LRP1B: variants seen among roughly 807,000 people sequenced by gnomAD.
The protein encoded by LRP1B is low-density lipoprotein receptor-related protein 1B.
A neutral mutation model predicts 556.6 loss-of-function variants in LRP1B; 217 were observed. That is an observed-to-expected ratio of 0.39 (90% CI 0.35 to 0.44). The LOEUF is 0.44. Among genes scored for constraint, LRP1B ranks in the 20% least tolerant of loss-of-function variants. The probability of loss-of-function intolerance (pLI) is 1.00; values close to 1 mark genes in which losing one functional copy is unlikely to be tolerated. For synonymous variants in LRP1B, 2,047 were observed against 1,865.8 expected (o/e 1.10, Z -2.50); for missense variants, 5,053 against 5,620.8 (o/e 0.90, Z 3.23).
At chr2:141,047,631 C>A (rs1019306706) in intron 11 of LRP1B, among the ~76,000 whole-genome samples, 1 of 151,974 alleles carries the variant, frequency 6.6e-6, no homozygotes, top group Admixed American at 6.6e-5. Flanking sequence ...CTTTTTATTC[C>A]TTTGGGATTT....
chr2:141,124,771 T>C (rs1701159606), intron 7 of LRP1B, among the ~76,000 whole-genome samples: 1 of 152,068 alleles, frequency 6.6e-6, no homozygotes, highest in South Asian at 2.1e-4. Context: ...TGAAAAACAT[T>C]TAAAAGCAGC....
At chr2:140,520,389 G>A (rs181299153) in intron 49 of LRP1B, among the ~76,000 whole-genome samples, 1 of 152,168 alleles carries the variant, frequency 6.6e-6, no homozygotes, top group Non-Finnish European at 1.5e-5. Context: ...CTCACTCATA[G>A]GTGGAAATTG....
chr2:141,346,548 G>A (rs1253569950), intron 3 of LRP1B, among the ~76,000 whole-genome samples: 2 of 152,114 alleles, frequency 1.3e-5, no homozygotes, highest in Non-Finnish European at 2.9e-5. Flanking sequence ...GGATTCAGGT[G>A]TCTTACTCTC....
At chr2:141,471,549 T>C (rs1399778345) in intron 3 of LRP1B, among the ~76,000 whole-genome samples, 1 of 152,196 alleles carries the variant, frequency 6.6e-6, no homozygotes, top group Non-Finnish European at 1.5e-5. Flanking sequence ...CTCATTTGCC[T>C]ACCCAATGCT....
chr2:141,967,581 G>C (rs1701598214), intron 1 of LRP1B, among the ~76,000 whole-genome samples: 2 of 151,734 alleles, frequency 1.3e-5, no homozygotes, highest in Non-Finnish European at 1.5e-5. Flanking sequence ...ATAAAATTCA[G>C]AAAGTATAAA....
chr2:141,442,670 A>C (rs931182656), intron 3 of LRP1B, among the ~76,000 whole-genome samples: 1 of 152,038 alleles, frequency 6.6e-6, no homozygotes, highest in African/African-American at 2.4e-5. Flanking sequence ...ATGAGTGAGA[A>C]CACGCGGTGT....
rs182263114 is a variant in LRP1B, at chr2:141,191,721, G to A, written c.851-3138C>T. ...CAGTCCATTAACCAGGGCTTTAAAA[G>A]TGTGAATTATTTATCTGTCTTGAGA... On this transcript the variant is annotated intron_variant, in intron 6 of 90. Transcript: ENST00000389484. 2.3e-3 allele frequency among the ~76,000 whole-genome samples: 339 copies of A among 149,094 alleles called. 1 individual carries two copies. Among genetic ancestry groups the A allele is most frequent in the African/African-American group, 7.3e-3 (298 of 40,672 alleles).
At chr2:141,855,710 C>T (rs889304887) in intron 1 of LRP1B, among the ~76,000 whole-genome samples, 3 of 152,120 alleles carry the variant, frequency 2.0e-5, no homozygotes, top group African/African-American at 7.2e-5. Flanking sequence ...GGCAAAACCA[C>T]ATGGATATCA....
intron 37 of LRP1B, among the ~76,000 whole-genome samples, chr2:140,713,382 A>G (rs1002481005): frequency 6.7e-6 from 1 of 149,072 alleles, no homozygotes; most frequent in Non-Finnish European, 1.5e-5. Context: ...CCTCTTACAT[A>G]TTTGTCTTGA....
chr2:140,871,372 A>T (rs897789489), intron 25 of LRP1B, among the ~76,000 whole-genome samples: 7 of 150,766 alleles, frequency 4.6e-5, no homozygotes, highest in African/African-American at 1.7e-4. Flanking sequence ...TATTTTTTAA[A>T]GGAAAATTTT....
At chr2:141,759,036 G>A (rs991219239) in intron 2 of LRP1B, among the ~76,000 whole-genome samples, 22 of 151,976 alleles carry the variant, frequency 1.4e-4, no homozygotes, top group African/African-American at 5.1e-4. Context: ...AAGGCTTTGG[G>A]AAAAAAATGC....
chr2:141,185,186 A>G (rs1315978610), intron 7 of LRP1B, among the ~76,000 whole-genome samples: 2 of 152,086 alleles, frequency 1.3e-5, no homozygotes, highest in African/African-American at 4.8e-5. Flanking sequence ...GGGCAGCACT[A>G]TCATAATTCA....
chr2:140,563,357 C>G (rs932204736), intron 43 of LRP1B, among the ~76,000 whole-genome samples: 2 of 152,120 alleles, frequency 1.3e-5, no homozygotes, highest in Non-Finnish European at 2.9e-5. Context: ...CTATTTCATT[C>G]TTCTATTGCT....
chr2:141,132,821 G>C (rs752615461), intron 7 of LRP1B, among the ~76,000 whole-genome samples: 6 of 151,826 alleles, frequency 4.0e-5, no homozygotes, highest in Admixed American at 3.3e-4. Context: ...ATATAAAAAA[G>C]TATAGCTTTT....
rs143154850 is a variant in LRP1B at position 141,380,724 on chromosome 2, G to A, written c.343+99672C>T. Among the ~76,000 whole-genome samples, 756 of 152,286 alleles carry A rather than the reference G, an allele frequency of 5.0e-3. 7 individuals carry two copies. The highest frequency in any genetic ancestry group is 0.017 in the African/African-American group (720 of 41,556). On this transcript the variant is annotated intron_variant, in intron 3 of 90. Transcript: ENST00000389484. ...AAATCTAGGTCCCAGCTTTTTCCCC[G>A]AGGAGAGAAGGAGCTGGACCACACA...
At chr2:141,350,198 G>T (rs999592771) in intron 3 of LRP1B, among the ~76,000 whole-genome samples, 6 of 152,082 alleles carry the variant, frequency 3.9e-5, no homozygotes, top group African/African-American at 1.5e-4. Context: ...AGATTTGGGT[G>T]GGGACACAGA....
intron 7 of LRP1B, among the ~76,000 whole-genome samples, chr2:141,084,597 C>G (rs1351970999): frequency 1.3e-5 from 2 of 150,362 alleles, no homozygotes; most frequent in Non-Finnish European, 3.0e-5. Flanking sequence ...ATGTACCTAT[C>G]TTTATTTCAT....
chr2:140,414,508 G>T (rs117996554), intron 66 of LRP1B, among the ~76,000 whole-genome samples: 3,023 of 152,212 alleles, frequency 0.02, 46 homozygotes, highest in Non-Finnish European at 0.023. Flanking sequence ...CCTGGTTGAG[G>T]TAATGCCTCT....
At chr2:141,489,049 T>C (rs1205368054) in intron 2 of LRP1B, among the ~76,000 whole-genome samples, 1 of 150,444 alleles carries the variant, frequency 6.6e-6, no homozygotes, top group Non-Finnish European at 1.5e-5. Context: ...TGATTGTGGC[T>C]CCTGCAGCCT....
Sources: allele counts gnomAD v4.1 joint callset (sites outside exome capture counted in the v4.1 genomes callset), GRCh38; gene constraint gnomAD v4.1.1; transcripts MANE v1.5; gene names NCBI Gene and HGNC (gene_info 2026-07-23, HGNC 2026-07-21).